STARD10: variants seen among roughly 807,000 people sequenced by gnomAD.
The protein encoded by STARD10 is StAR related lipid transfer domain containing 10.
STARD10 carries 24 observed loss-of-function variants against 36.0 expected under a neutral mutation model. The ratio of observed to expected loss-of-function variants is 0.67; its 90% confidence interval spans 0.48 to 0.94. The LOEUF is 0.94. STARD10 is among the 40% of genes least tolerant of loss of function. The pLI is 0.00. For missense variants in STARD10, 335 were observed against 396.6 expected (o/e 0.84, Z 1.32); for synonymous variants, 156 against 161.9 (o/e 0.96, Z 0.28).
At chr11:72,785,279 T>G (rs930937766) in intron 1 of STARD10, among the ~76,000 whole-genome samples, 2 of 151,564 alleles carry the variant, frequency 1.3e-5, no homozygotes, top group African/African-American at 4.8e-5. Context: ...AATAAGAACC[T>G]AGGGGCCGGG....
chr11:72,781,806 C>G lies in STARD10; in HGVS notation c.-113-512G>C, dbSNP rs1008439383. On this transcript the variant is annotated intron_variant, in intron 1 of 6. Coordinates refer to ENST00000334805, the MANE Select transcript of STARD10 (RefSeq NM_006645.3). The surrounding 1 kb of genome is among the most constrained non-coding windows in gnomAD (Gnocchi z 4.7). The stretch of plus-strand genomic sequence containing the variant: ...CGCCCGGCCCCGCCCCGGGCCCCAG[C>G]CCCGCGCGCCCCTCCCGGCTAGGCT... 6.9e-6 allele frequency: 1 copy of G among 145,168 alleles called. No homozygotes were observed. The highest frequency in any genetic ancestry group is 1.5e-5 in the Non-Finnish European group (1 of 65,890). The allele number at this position is 145,168 out of a possible 1,614,324, so 9.0% of individuals were successfully genotyped here.
intron 2 of STARD10, among the ~76,000 whole-genome samples, chr11:72,773,183 A>T (rs1257338154): frequency 6.6e-6 from 1 of 152,246 alleles, no homozygotes; most frequent in African/African-American, 2.4e-5. Context: ...AGAGACATTA[A>T]GGACACAGCC....
chr11:72,781,288 C>T lies in STARD10; in HGVS notation c.-107G>A. The T allele has an allele frequency of 5.2e-6, 5 of 961,470 alleles. No homozygotes were observed. Among genetic ancestry groups the T allele is most frequent in the Middle Eastern group, 3.2e-4 (1 of 3,082 alleles). The allele number at this position is 961,470 out of a possible 1,614,324, so 59.6% of individuals were successfully genotyped here. A position where few individuals can be genotyped will look rare whatever the true frequency, so the allele number is the denominator to read the frequency against. On this transcript the variant is annotated 5_prime_UTR_variant, in exon 2 of 7. Transcript: ENST00000334805. This position sits in a 1 kb window ranked among gnomAD's most constrained non-coding sequence, Gnocchi z 4.7. ...GGCTGCAGATGCTGACGCCACCTTC[C>T]TGGGACCTGCAAGACCGGTTTGGGG...
intron 2 of STARD10, among the ~76,000 whole-genome samples, chr11:72,764,526 G>A (rs1313308728): frequency 1.3e-5 from 2 of 152,244 alleles, no homozygotes; most frequent in Non-Finnish European, 2.9e-5. Context: ...AGGCCGGGTC[G>A]TGGGGGTCAG....
At chr11:72,785,338 G>GT (rs1361673772) in intron 1 of STARD10, among the ~76,000 whole-genome samples, 3 of 152,000 alleles carry the variant, frequency 2.0e-5, no homozygotes, top group Non-Finnish European at 4.4e-5. Context: ...GCCGATACGG[G>GT]TGGATCACCT....
At chr11:72,763,169 T>C (rs1858743394) in intron 2 of STARD10, among the ~76,000 whole-genome samples, 1 of 152,194 alleles carries the variant, frequency 6.6e-6, no homozygotes, top group African/African-American at 2.4e-5. Context: ...TTGATCACTC[T>C]ACCATGGGCT....
At chr11:72,764,180 C>G (rs1167913963) in intron 2 of STARD10, among the ~76,000 whole-genome samples, 4 of 152,302 alleles carry the variant, frequency 2.6e-5, no homozygotes, top group Admixed American at 1.3e-4. Context: ...TGCCTCTTCC[C>G]TAGCCAGGCT....
intron 1 of STARD10, among the ~76,000 whole-genome samples, chr11:72,783,283 G>A (rs1449448080): frequency 6.6e-6 from 1 of 152,150 alleles, no homozygotes; most frequent in Non-Finnish European, 1.5e-5. Context: ...CCTGGACAAT[G>A]TGCTGCAGGT....
chr11:72,755,058 G>A lies in STARD10; in HGVS notation c.715C>T (p.Pro239Ser). ...AGGCTCGGCAACGGGCTCTGCTCCG[G>A]GTGCAGCCACGGCTTGAAGTGAGGC... is the stretch of plus-strand genomic sequence containing the variant. ...HLPHFKPWLH[P>S]EQSPLPSLAL... The change falls in exon 7 of 7, where the codon CCG becomes TCG. Residue 239 changes from proline (P) to serine (S), a missense_variant. By Grantham distance (74) the Pro-to-Ser change is moderately conservative (BLOSUM62 -1). Coordinates refer to ENST00000334805, the MANE Select transcript of STARD10 (RefSeq NM_006645.3). The A allele has an allele frequency of 6.2e-7, 1 of 1,613,248 alleles. No individual in the cohort carries two copies. Among genetic ancestry groups the A allele is most frequent in the South Asian group, 1.1e-5 (1 of 90,800 alleles).
chr11:72,765,423 C>T (rs969017478), intron 2 of STARD10, among the ~76,000 whole-genome samples: 1 of 152,144 alleles, frequency 6.6e-6, no homozygotes, highest in African/African-American at 2.4e-5. Flanking sequence ...ACCAGCACTG[C>T]ACTCCACAGC....
rs751462554 is a variant in STARD10 at position 72,791,865 on chromosome 11, GTGTTT to G, written c.-114+1005_-114+1009del. On this transcript the variant is annotated intron_variant, in intron 1 of 6. Coordinates refer to ENST00000334805, the MANE Select transcript of STARD10 (RefSeq NM_006645.3). The stretch of plus-strand genomic sequence containing the variant: ...TTATCTTGGATACCTTTTTGTTGTT[GTGTTT>G]TGTTTTGTTTTGTTTTGTTTTGAGA... Among the ~76,000 whole-genome samples, 936 of 151,714 alleles carry G rather than the reference GTGTTT, an allele frequency of 6.2e-3. 8 individuals carry two copies. Among genetic ancestry groups the G allele is most frequent in the Admixed American group, 0.016 (244 of 15,228 alleles).
At chr11:72,760,334 C>T (rs1211965952) in intron 2 of STARD10, among the ~76,000 whole-genome samples, 1 of 152,172 alleles carries the variant, frequency 6.6e-6, no homozygotes, top group Non-Finnish European at 1.5e-5. Flanking sequence ...TCAAAGGATT[C>T]TCCTGCCTCA....
chr11:72,783,849 A>G (rs1859037024), intron 1 of STARD10, among the ~76,000 whole-genome samples: 1 of 152,188 alleles, frequency 6.6e-6, no homozygotes, highest in Non-Finnish European at 1.5e-5. Context: ...CCCACCCTAG[A>G]GAGCTGCCAG....
At chr11:72,791,865 GTGTTTTGTTT>G (rs751462554) in intron 1 of STARD10, among the ~76,000 whole-genome samples, 13 of 151,608 alleles carry the variant, frequency 8.6e-5, no homozygotes, top group Non-Finnish European at 1.6e-4. Flanking sequence ...TTTTGTTGTT[GTGTTTTGTTT>G]TGTTTTGTTT....
intron 2 of STARD10, among the ~76,000 whole-genome samples, chr11:72,765,816 C>CAAAAAAAAAAAAAAAAAAAAAAAA (rs752801080): frequency 4.2e-5 from 5 of 118,184 alleles, no homozygotes; most frequent in African/African-American, 1.4e-4. Flanking sequence ...ACTAAAAATA[C>CAAAAAAAAAAAAAAAAAAAAAAAA]AAAAAAAAAA....
At chr11:72,776,575 G>A (rs968524715) in intron 2 of STARD10, among the ~76,000 whole-genome samples, 5 of 152,102 alleles carry the variant, frequency 3.3e-5, no homozygotes, top group Non-Finnish European at 7.3e-5. Flanking sequence ...CAGCCTTGGC[G>A]AGTCAAGGAC....
chr11:72,760,005 G>A (rs1395081235), intron 2 of STARD10, among the ~76,000 whole-genome samples: 2 of 151,734 alleles, frequency 1.3e-5, no homozygotes, highest in African/African-American at 4.8e-5. Context: ...CTGCCTCCCG[G>A]GTTCAAGTGA....
At chr11:72,788,685 C>A in intron 1 of STARD10, among the ~76,000 whole-genome samples, 1 of 152,078 alleles carries the variant, frequency 6.6e-6, no homozygotes, top group East Asian at 1.9e-4. Context: ...GCCTCAGCCT[C>A]CCAAGTAGCT....
At chr11:72,779,241 T>C (rs934957798) in intron 2 of STARD10, among the ~76,000 whole-genome samples, 2 of 152,188 alleles carry the variant, frequency 1.3e-5, no homozygotes, top group African/African-American at 4.8e-5. Context: ...TGAATTCCCT[T>C]CTCACCTTTC....
Sources: allele counts gnomAD v4.1 joint callset (sites outside exome capture counted in the v4.1 genomes callset), GRCh38; gene constraint gnomAD v4.1.1; non-coding constraint Gnocchi (gnomAD v3.1); transcripts MANE v1.5; gene names NCBI Gene and HGNC (gene_info 2026-07-23, HGNC 2026-07-21).